The following TEKT5 variants were observed in gnomAD, a reference collection of about 807,000 sequenced individuals.
The protein encoded by TEKT5 is tektin 5, also known as tektin-5.
A neutral mutation model predicts 48.7 loss-of-function variants in TEKT5; 52 were observed. The observed-to-expected ratio is 1.07, with a 90% CI of 0.86 to 1.35. The LOEUF (loss-of-function observed/expected upper bound fraction) is 1.35. Among genes scored for constraint, TEKT5 ranks in the 40% most tolerant of loss-of-function variants. TEKT5 has a pLI of 0.00. For missense variants in TEKT5, 831 were observed against 641.6 expected, an observed-to-expected ratio of 1.30 and a Z score of -3.19; for synonymous variants, 318 against 267.6, an observed-to-expected ratio of 1.19 and a Z score of -1.84.
At chr16:10,639,336 A>G (rs1897959571) in intron 5 of TEKT5, among the ~76,000 whole-genome samples, 1 of 151,994 alleles carries the variant, frequency 6.6e-6, no homozygotes, top group African/African-American at 2.4e-5. Flanking sequence ...AAAAACCCAA[A>G]CAGTTGTACA....
intron 1 of TEKT5, chr16:10,690,551 G>A (rs972514326): frequency 1.0e-5 from 10 of 983,986 alleles, no homozygotes; most frequent in African/African-American, 5.2e-5. Context: ...AGGTGAAGTC[G>A]GCTTGACAAG....
In TEKT5 at chr16:10,659,436, G is replaced by A. The variant is rs141895379; in HGVS notation, c.1086+16523C>T. Among the ~76,000 whole-genome samples, 156 of 152,292 alleles carry A rather than the reference G, an allele frequency of 1.0e-3. 1 individual carries two copies. Among genetic ancestry groups the A allele is most frequent in the African/African-American group, 3.6e-3 (151 of 41,552 alleles). Reference sequence around the variant, plus strand: ...GCTTTGTCACACAGGCTGGAGTGCAGTGGTGCAATCTCGGCTCACTGCAAG... The same window carrying A: ...GCTTTGTCACACAGGCTGGAGTGCAATGGTGCAATCTCGGCTCACTGCAAG... On this transcript the variant is annotated intron_variant, in intron 5 of 6. Transcript: ENST00000283025.
In TEKT5 at chr16:10,685,578, T is replaced by C. The variant is rs2719725; in HGVS notation, c.720-3442A>G. ...TCCCAAAGTGCTGGGATTACAGACA[T>C]GAGCCTCCACGCCCAGCCTCTTTTC... On this transcript the variant is annotated intron_variant, in intron 3 of 6. Coordinates refer to ENST00000283025, the MANE Select transcript of TEKT5 (RefSeq NM_144674.2). 1.8e-3 allele frequency among the ~76,000 whole-genome samples: 279 copies of C among 152,260 alleles called. 1 individual carries two copies. Among genetic ancestry groups the C allele is most frequent in the African/African-American group, 6.5e-3 (269 of 41,552 alleles).
chr16:10,629,600 G>C (rs1028978036), intron 6 of TEKT5, among the ~76,000 whole-genome samples: 2 of 152,146 alleles, frequency 1.3e-5, no homozygotes, highest in African/African-American at 4.8e-5. Context: ...GTCTAGATAA[G>C]AGCCTCACTC....
At chr16:10,687,190 T>C (rs1238378638) in intron 3 of TEKT5, among the ~76,000 whole-genome samples, 1 of 152,200 alleles carries the variant, frequency 6.6e-6, no homozygotes. Flanking sequence ...TACTGTGTTC[T>C]TGAAAATCAC....
chr16:10,655,922 T>C (rs950949296), intron 5 of TEKT5, among the ~76,000 whole-genome samples: 14 of 152,370 alleles, frequency 9.2e-5, no homozygotes, highest in African/African-American at 2.9e-4. Flanking sequence ...TTACTTAAAC[T>C]GGTGTTATTT....
intron 6 of TEKT5, among the ~76,000 whole-genome samples, chr16:10,633,973 CTTGA>C (rs1048120756): frequency 2.6e-5 from 4 of 152,142 alleles, no homozygotes; most frequent in African/African-American, 9.7e-5. Context: ...AACACTTTTT[CTTGA>C]TTATCTATCC....
intron 5 of TEKT5, among the ~76,000 whole-genome samples, chr16:10,654,201 C>T (rs1408937363): frequency 6.6e-6 from 1 of 152,146 alleles, no homozygotes; most frequent in Non-Finnish European, 1.5e-5. Context: ...CAGGCACATG[C>T]TACCACATCC....
chr16:10,639,151 T>G lies in TEKT5; in HGVS notation c.1087-3233A>C, dbSNP rs576910209. ...AAGACCTTATCTCTACAAAATAATT[T>G]TAAAAGTTAGCCAGGCATGGTGGTG... On this transcript the variant is annotated intron_variant, in intron 5 of 6. Transcript: ENST00000283025. Among the ~76,000 whole-genome samples, 76 of 151,624 alleles carry G rather than the reference T, an allele frequency of 5.0e-4. 1 individual carries two copies. The highest frequency in any genetic ancestry group is 1.7e-3 in the African/African-American group (70 of 40,990).
intron 5 of TEKT5, among the ~76,000 whole-genome samples, chr16:10,657,366 G>A (rs1319473397): frequency 6.6e-6 from 1 of 152,014 alleles, no homozygotes; most frequent in East Asian, 1.9e-4. Flanking sequence ...GACCTCAGGT[G>A]ATGCACCCGC....
chr16:10,645,495 A>T lies in TEKT5; in HGVS notation c.1087-9577T>A, dbSNP rs558404079. Among the ~76,000 whole-genome samples, 412 of 152,280 alleles carry T rather than the reference A, an allele frequency of 2.7e-3. 1 individual carries two copies. The highest frequency in any genetic ancestry group is 9.5e-3 in the African/African-American group (393 of 41,564). On this transcript the variant is annotated intron_variant, in intron 5 of 6. Coordinates refer to ENST00000283025, the MANE Select transcript of TEKT5 (RefSeq NM_144674.2). ...CACTGCACTCCAGCCTGGGCAGCAG[A>T]GCAAGATCCTATATAATAATAATTT...
chr16:10,693,796 C>G (rs1204804325), intron 1 of TEKT5, among the ~76,000 whole-genome samples: 2 of 152,224 alleles, frequency 1.3e-5, no homozygotes, highest in South Asian at 2.1e-4. Context: ...ATAGCAAAAC[C>G]CTGTCTTCAC....
chr16:10,640,112 T>TCTTCCTCCACCCCC (rs1897973156), intron 5 of TEKT5, among the ~76,000 whole-genome samples: 1 of 73,896 alleles, frequency 1.4e-5, no homozygotes, highest in African/African-American at 7.3e-5. Flanking sequence ...CCTCCTCCCG[T>TCTTCCTCCACCCCC]CTTCCTCCTC....
intron 5 of TEKT5, among the ~76,000 whole-genome samples, chr16:10,661,254 A>T (rs919961511): frequency 6.6e-6 from 1 of 152,146 alleles, no homozygotes; most frequent in African/African-American, 2.4e-5. Context: ...GGGAAATCAC[A>T]ATCCCCCAAA....
intron 5 of TEKT5, among the ~76,000 whole-genome samples, chr16:10,651,146 C>T (rs998599471): frequency 1.3e-5 from 2 of 152,144 alleles, no homozygotes; most frequent in Admixed American, 1.3e-4. Flanking sequence ...GCAGGGCAAC[C>T]CAATGCAACA....
In TEKT5 at chr16:10,635,922, C is replaced by A. The variant is rs768276753; in HGVS notation, c.1087-4G>T. 2 of 1,613,022 alleles carry A rather than the reference C, an allele frequency of 1.2e-6. No individual in the cohort carries two copies. Among genetic ancestry groups the A allele is most frequent in the African/African-American group, 2.7e-5 (2 of 74,884 alleles). ...CCTGGAAGATCTCCTGCAGCGTCTG[C>A]GAGGGAACACACAGGTGTCACCACC... On this transcript the variant is annotated splice_region_variant and splice_polypyrimidine_tract_variant and intron_variant, in intron 5 of 6. Coordinates refer to ENST00000283025, the MANE Select transcript of TEKT5 (RefSeq NM_144674.2).
chr16:10,676,673 A>C (rs1205159149), intron 4 of TEKT5, among the ~76,000 whole-genome samples: 1 of 152,122 alleles, frequency 6.6e-6, no homozygotes, highest in African/African-American at 2.4e-5. Context: ...GAACCCCCTA[A>C]CTCTGCGATG....
At chr16:10,630,056 C>G (rs1897815624) in intron 6 of TEKT5, among the ~76,000 whole-genome samples, 1 of 152,156 alleles carries the variant, frequency 6.6e-6, no homozygotes, top group Non-Finnish European at 1.5e-5. Context: ...CAGCCTCAGC[C>G]TCCCAAGTAC....
At position 10,629,059 on chromosome 16, in the gene TEKT5, C is replaced by T. The variant is rs560225309; in HGVS notation, c.1242-1260G>A. Among the ~76,000 whole-genome samples, 13 of 152,156 alleles carry T rather than the reference C, an allele frequency of 8.5e-5. No homozygotes were observed. In the South Asian group the frequency reaches 1.2e-3, roughly 15 times the overall value. ...AATGTCCAGAAGAGGCAAAGCCATA[C>T]GGACAGAAAGTTAACTGGTGGCTTC... On this transcript the variant is annotated intron_variant, in intron 6 of 6. Transcript: ENST00000283025.
Sources: allele counts gnomAD v4.1 joint callset (sites outside exome capture counted in the v4.1 genomes callset), GRCh38; gene constraint gnomAD v4.1.1; transcripts MANE v1.5; gene names NCBI Gene and HGNC (gene_info 2026-07-23, HGNC 2026-07-21).